Variants in GBF1 observed in about 807,000 individuals in gnomAD.
GBF1 encodes Golgi-specific brefeldin A-resistance guanine nucleotide exchange factor 1.
GBF1 carries 114 observed loss-of-function variants against 210.5 expected under a neutral mutation model. That is an observed-to-expected ratio of 0.54 (90% confidence interval 0.47 to 0.63). The LOEUF (loss-of-function observed/expected upper bound fraction) is 0.63. Among genes scored for constraint, GBF1 ranks in the 30% least tolerant of loss-of-function variants. The probability of loss-of-function intolerance (pLI) is 0.00; values close to 1 mark genes in which losing one functional copy is unlikely to be tolerated. For synonymous variants in GBF1, 850 were observed against 889.2 expected (o/e 0.96, Z 0.78); for missense variants, 1,851 against 2,357.7 (o/e 0.79, Z 4.45).
At chr10:102,380,182 C>G in intron 36 of GBF1, 67 bp from the exon 37 acceptor site, 2 of 1,021,004 alleles carry the variant, frequency 2.0e-6, no homozygotes, top group Non-Finnish European at 3.1e-6. Context: ...GCTTAGCTAC[C>G]CAGCCTCAGA....
intron 3 of GBF1, among the ~76,000 whole-genome samples, chr10:102,288,539 G>A (rs1210439707): frequency 2.0e-5 from 3 of 151,064 alleles, no homozygotes; most frequent in Non-Finnish European, 3.0e-5. Flanking sequence ...GTGAAACCCC[G>A]TCTCTACTAA....
chr10:102,325,670 GAC>G (rs2056843087), intron 3 of GBF1, among the ~76,000 whole-genome samples: 2 of 150,568 alleles, frequency 1.3e-5, no homozygotes, highest in African/African-American at 4.9e-5. Context: ...TTTTTTTTAA[GAC>G]ACAGTCTCAC....
At chr10:102,355,480 C>G (rs1426090309) in intron 8 of GBF1, among the ~76,000 whole-genome samples, 1 of 152,166 alleles carries the variant, frequency 6.6e-6, no homozygotes, top group Non-Finnish European at 1.5e-5. Context: ...TACTGCCCAC[C>G]CCACACCTTC....
At chr10:102,326,986 C>T (rs559320469) in intron 3 of GBF1, among the ~76,000 whole-genome samples, 2 of 152,342 alleles carry the variant, frequency 1.3e-5, no homozygotes, top group South Asian at 4.1e-4. Context: ...AGAGGCCCCC[C>T]TCCTTAAGAT....
intron 12 of GBF1, among the ~76,000 whole-genome samples, chr10:102,360,648 C>A (rs529672063): frequency 5.9e-5 from 9 of 152,332 alleles, no homozygotes; most frequent in Admixed American, 4.6e-4. Flanking sequence ...TTTGCCTCTT[C>A]TGCCTCTCTT....
chr10:102,371,727 A>G (rs4543913), intron 29 of GBF1, among the ~76,000 whole-genome samples: 151,567 of 152,122 alleles, frequency 1, 75,514 homozygotes, highest in Middle Eastern at 1. Context: ...TCAGGAGTTC[A>G]AGGCCAGCCT....
Position 102,273,013 on chromosome 10 carries a change from C to T in GBF1, c.163+12897C>T, listed in dbSNP as rs528981835. On this transcript the variant is annotated intron_variant, in intron 3 of 39. Coordinates refer to ENST00000369983, the MANE Select transcript of GBF1 (RefSeq NM_001377137.1). The stretch of plus-strand genomic sequence containing the variant: ...TTCCTTGCTTTCTGGTACAATCAAC[C>T]AGCAATAAAGGGGAAAAAAGAATAG... 2.0e-5 allele frequency among the ~76,000 whole-genome samples: 3 copies of T among 152,196 alleles called. No homozygotes were observed. In the East Asian group the frequency reaches 5.8e-4, roughly 29 times the overall value.
At chr10:102,237,854 G>A in the GBF1 span, among the ~76,000 whole-genome samples, 1 of 151,792 alleles carries the variant, frequency 6.6e-6, no homozygotes, top group Admixed American at 6.6e-5. Flanking sequence ...TGTGTGTCAT[G>A]CCTCCTCCAC....
rs371706477 is a variant in GBF1, at chr10:102,379,541, G to A, written c.4666G>A (p.Asp1556Asn). The stretch of plus-strand genomic sequence containing the variant: ...CTCAGGTATTGCCTGCCTGTGCTGC[G>A]ATGCCCGGCGCCAGGTACGGATGCA... ...LLQGIACLCC[D>N]ARRQVRMQAL... Residue 1556 changes from aspartate to asparagine, a missense_variant, in exon 35 of 40, where the codon GAT becomes AAT. This residue lies in a region of GBF1 where 967 missense variants were observed against 1,247.7 expected (regional missense o/e 0.78). Transcript: ENST00000369983. The A allele has an allele frequency of 8.7e-6, 14 of 1,614,010 alleles. No homozygotes were observed. The highest frequency in any genetic ancestry group is 1.7e-5 in the Admixed American group (1 of 59,994).
intron 3 of GBF1, among the ~76,000 whole-genome samples, chr10:102,292,004 C>T (rs2133673000): frequency 6.6e-6 from 1 of 151,684 alleles, no homozygotes; most frequent in South Asian, 2.1e-4. Flanking sequence ...ATTCTCCTGC[C>T]CCAGCCTCCT....
Position 102,363,700 on chromosome 10 carries a change from C to T in GBF1, c.2018-10C>T. The T allele has an allele frequency of 6.3e-7, 1 of 1,586,932 alleles. No individual in the cohort carries two copies. Among genetic ancestry groups the T allele is most frequent in the Non-Finnish European group, 8.7e-7 (1 of 1,155,314 alleles). On this transcript the variant is annotated splice_polypyrimidine_tract_variant and intron_variant, in intron 16 of 39. Coordinates refer to ENST00000369983, the MANE Select transcript of GBF1 (RefSeq NM_001377137.1). The surrounding 1 kb of genome is among the most constrained non-coding windows in gnomAD (Gnocchi z 4.2). ...TACAGATATTTCCCCCCTCTTCTTCCTACTCCTAGCTGACAAAAAGTTTGC... is the reference window on the plus strand; with the variant it reads ...TACAGATATTTCCCCCCTCTTCTTCTTACTCCTAGCTGACAAAAAGTTTGC...
chr10:102,251,753 G>A (rs976230521), intron 1 of GBF1, among the ~76,000 whole-genome samples: 3 of 151,974 alleles, frequency 2.0e-5, no homozygotes, highest in Non-Finnish European at 4.4e-5. Context: ...ACAGGGTCTC[G>A]CCATGTTGCC....
chr10:102,286,871 AGT>A (rs56109720), intron 3 of GBF1, among the ~76,000 whole-genome samples: 49,444 of 151,806 alleles, frequency 0.33, 8,690 homozygotes, highest in South Asian at 0.48. Flanking sequence ...ACACCCTTAC[AGT>A]GGCTGCCTTG....
intron 3 of GBF1, among the ~76,000 whole-genome samples, chr10:102,299,789 A>T (rs1174357016): frequency 1.3e-5 from 2 of 152,214 alleles, no homozygotes; most frequent in Non-Finnish European, 2.9e-5. Flanking sequence ...CGTCCCAAAA[A>T]AATTAAAAAA....
rs371954250 is a variant in GBF1 at position 102,375,584 on chromosome 10, G to T, written c.3886G>T (p.Gly1296Trp). ...AGCCAGGGCAGATGCACCTGATGCC[G>T]GTAAGCCCTTTCCCAGGGAGACTCA... is the stretch of plus-strand genomic sequence containing the variant. ...ATARADAPDA[G>W]AQSDSELPSY... Residue 1296 changes from glycine (G) to tryptophan (W), a missense_variant and splice_region_variant, in exon 30 of 40, where the codon GGG becomes TGG. This residue lies in a region of GBF1 where 967 missense variants were observed against 1,247.7 expected (regional missense o/e 0.78). Coordinates refer to ENST00000369983, the MANE Select transcript of GBF1 (RefSeq NM_001377137.1). The T allele has an allele frequency of 1.3e-5, 20 of 1,597,918 alleles. No individual in the cohort carries two copies. The highest frequency in any genetic ancestry group is 1.6e-5 in the Non-Finnish European group (19 of 1,165,874).
intron 3 of GBF1, among the ~76,000 whole-genome samples, chr10:102,289,350 C>T (rs979733527): frequency 1.3e-5 from 2 of 152,114 alleles, no homozygotes; most frequent in African/African-American, 4.8e-5. Flanking sequence ...TTATTCAGCT[C>T]TTGGTGACAG....
intron 3 of GBF1, among the ~76,000 whole-genome samples, chr10:102,337,977 C>T (rs531919000): frequency 1.3e-5 from 2 of 152,272 alleles, no homozygotes; most frequent in East Asian, 3.9e-4. Flanking sequence ...ATGCTCCTGG[C>T]AATCAACAGT....
At chr10:102,361,583 A>G in intron 13 of GBF1, 135 bp from the exon 14 acceptor site, 2 of 593,336 alleles carry the variant, frequency 3.4e-6, no homozygotes, top group Non-Finnish European at 5.9e-6. Context: ...GGGATGGAAT[A>G]CCTTTGGGTG....
At position 102,299,509 on chromosome 10, in the gene GBF1, G is replaced by A. The variant is rs545042728; in HGVS notation, c.163+39393G>A. Reference sequence around the variant, plus strand: ...AAAATAAATGTAAAAAGGGCCAGGCGCAGTGGCTCATGCCTGTAATCCCAG... The same window carrying A: ...AAAATAAATGTAAAAAGGGCCAGGCACAGTGGCTCATGCCTGTAATCCCAG... On this transcript the variant is annotated intron_variant, in intron 3 of 39. Coordinates refer to ENST00000369983, the MANE Select transcript of GBF1 (RefSeq NM_001377137.1). Among the ~76,000 whole-genome samples the A allele has an allele frequency of 4.6e-5, 7 of 152,294 alleles. No individual in the cohort carries two copies. In the South Asian group the frequency reaches 1.2e-3, roughly 27 times the overall value.
Sources: gnomAD v4.1 joint callset for allele counts (sites outside exome capture counted in the v4.1 genomes callset) on GRCh38, gnomAD v4.1.1 for gene constraint, gnomAD v4.1.1 regional missense constraint, Gnocchi (gnomAD v3.1) non-coding constraint, MANE v1.5 for transcripts, NCBI Gene and HGNC (gene_info 2026-07-23, HGNC 2026-07-21) for gene names.